The following ASTN1 variants were observed in gnomAD, a reference collection of about 807,000 sequenced individuals.
ASTN1 encodes astrotactin-1.
Under a neutral mutation model 140.7 loss-of-function variants are expected in ASTN1, and 41 were observed. That is an observed-to-expected ratio of 0.29 (90% confidence interval 0.23 to 0.38). The LOEUF is 0.38. Ranked by LOEUF, ASTN1 falls within the 10% of genes least tolerant of loss-of-function variation. ASTN1 has a pLI of 1.00. For missense variants in ASTN1, 1,479 were observed against 1,678.8 expected, an observed-to-expected ratio of 0.88 and a Z score of 2.08; for synonymous variants, 640 against 652.2, an observed-to-expected ratio of 0.98 and a Z score of 0.29.
chr1:177,108,342 C>A (rs1171869577), intron 1 of ASTN1, among the ~76,000 whole-genome samples: 1 of 111,424 alleles, frequency 9.0e-6, no homozygotes, highest in Admixed American at 1.1e-4. Context: ...AGCAAGACTC[C>A]GTCTCAAAAA....
chr1:177,147,088 G>A (rs936408877), intron 1 of ASTN1, among the ~76,000 whole-genome samples: 1 of 152,136 alleles, frequency 6.6e-6, no homozygotes, highest in African/African-American at 2.4e-5. Context: ...TGCTAGTATA[G>A]TTTGGTGTTG....
At chr1:177,053,877 G>A (rs1677664915) in intron 2 of ASTN1, among the ~76,000 whole-genome samples, 1 of 152,182 alleles carries the variant, frequency 6.6e-6, no homozygotes, top group East Asian at 1.9e-4. Flanking sequence ...CAGAGTCTGA[G>A]CTTCTGGGGT....
chr1:176,955,862 G>T (rs1342707924), intron 11 of ASTN1, among the ~76,000 whole-genome samples: 2 of 152,270 alleles, frequency 1.3e-5, no homozygotes, highest in Admixed American at 6.5e-5. Flanking sequence ...TGGCTACAGA[G>T]AGTAGGGAAG....
chr1:177,122,299 C>T (rs142936748), intron 1 of ASTN1, among the ~76,000 whole-genome samples: 28 of 152,266 alleles, frequency 1.8e-4, no homozygotes, highest in African/African-American at 6.7e-4. Context: ...CTTGCCTGTT[C>T]TTCAAGAGGC....
chr1:177,034,256 CA>C (rs1676599066), intron 2 of ASTN1, among the ~76,000 whole-genome samples: 1 of 149,746 alleles, frequency 6.7e-6, no homozygotes, highest in Non-Finnish European at 1.5e-5. Context: ...CACACACACA[CA>C]CACACACACA....
chr1:176,985,956 T>C (rs957508701), intron 8 of ASTN1, among the ~76,000 whole-genome samples: 2 of 150,652 alleles, frequency 1.3e-5, no homozygotes, highest in African/African-American at 2.4e-5. Flanking sequence ...GCATTCAGGC[T>C]GAAACCCTGA....
At chr1:177,064,830 A>T (rs1440727723) in intron 1 of ASTN1, among the ~76,000 whole-genome samples, 1 of 152,244 alleles carries the variant, frequency 6.6e-6, no homozygotes, top group African/African-American at 2.4e-5. Flanking sequence ...CTACAATGCT[A>T]AACCAGGAAT....
chr1:177,083,301 TTCA>T (rs1679269046), intron 1 of ASTN1, among the ~76,000 whole-genome samples: 1 of 152,090 alleles, frequency 6.6e-6, no homozygotes, highest in Non-Finnish European at 1.5e-5. Flanking sequence ...CACACACAAA[TTCA>T]ACACTAGTGA....
intron 21 of ASTN1, among the ~76,000 whole-genome samples, chr1:176,872,471 C>T (rs1021898914): frequency 7.2e-5 from 11 of 152,122 alleles, no homozygotes; most frequent in Non-Finnish European, 1.2e-4. Flanking sequence ...CCTTTCACAG[C>T]CTCTATATTT....
At chr1:177,033,440 A>G (rs1238843593) in intron 2 of ASTN1, among the ~76,000 whole-genome samples, 4 of 152,186 alleles carry the variant, frequency 2.6e-5, no homozygotes, top group African/African-American at 9.7e-5. Flanking sequence ...AACTATGTAA[A>G]GTGCCTAGCA....
At chr1:176,869,732 C>A (rs917068395) in intron 21 of ASTN1, among the ~76,000 whole-genome samples, 1 of 152,180 alleles carries the variant, frequency 6.6e-6, no homozygotes, top group East Asian at 1.9e-4. Flanking sequence ...GGGGCATTAA[C>A]AACCCTGCAC....
In ASTN1 at chr1:176,949,198, G is replaced by A; in HGVS notation, c.2041C>T (p.Leu681Phe). 1 of 1,613,966 alleles carries A rather than the reference G, an allele frequency of 6.2e-7. No individual in the cohort carries two copies. Among genetic ancestry groups the A allele is most frequent in the South Asian group, 1.1e-5 (1 of 91,086 alleles). ...AGCTCAACTCACCCACAGAACATGA[G>A]GATGTTATACAAGGTGGGGTCGTCC... ...FPDDPTLYNI[L>F]MFCGCIEDYK... Residue 681 changes from leucine to phenylalanine, a missense_variant, in exon 12 of 23, where the codon CTC becomes TTC. Physicochemically the swap from Leu to Phe is conservative, Grantham distance 22. Around this residue, in one of 3 missense-constraint regions of ASTN1, gnomAD observed 746 missense variants for 800.9 expected, o/e 0.93. Transcript: ENST00000361833.
intron 8 of ASTN1, among the ~76,000 whole-genome samples, chr1:176,995,492 A>G (rs1044109026): frequency 6.6e-6 from 1 of 152,202 alleles, no homozygotes; most frequent in South Asian, 2.1e-4. Flanking sequence ...AGGAAAAGCC[A>G]TTCTAGGCAC....
chr1:176,943,523 T>C (rs1023640780), intron 14 of ASTN1, among the ~76,000 whole-genome samples: 10 of 152,160 alleles, frequency 6.6e-5, no homozygotes, highest in Non-Finnish European at 1.0e-4. Flanking sequence ...AACCCAACAG[T>C]AGCAATGATG....
At chr1:177,145,671 T>G (rs1682688468) in intron 1 of ASTN1, among the ~76,000 whole-genome samples, 1 of 152,198 alleles carries the variant, frequency 6.6e-6, no homozygotes, top group Non-Finnish European at 1.5e-5. Context: ...ATTCACTCAG[T>G]CAGTCTGTCA....
Position 176,986,717 on chromosome 1 carries a change from C to T in ASTN1, c.1524-21480G>A, listed in dbSNP as rs1342000740. On this transcript the variant is annotated intron_variant, in intron 8 of 22. Transcript: ENST00000361833. ...GAGAAATCTTAAGTAAATCTTCTCT[C>T]TGTGTCTCATTTCCTCCCATGTAGA... Among the ~76,000 whole-genome samples, 5 of 152,148 alleles carry T rather than the reference C, an allele frequency of 3.3e-5. No homozygotes were observed. The East Asian group carries it at 9.6e-4, about 29-fold the overall frequency.
chr1:176,899,214 C>A (rs991937662), intron 16 of ASTN1, among the ~76,000 whole-genome samples: 4 of 152,156 alleles, frequency 2.6e-5, no homozygotes, highest in Admixed American at 1.3e-4. Flanking sequence ...TGAGTTTCCC[C>A]AATAGAATAT....
chr1:177,043,141 G>A (rs1677056816), intron 2 of ASTN1, among the ~76,000 whole-genome samples: 1 of 152,210 alleles, frequency 6.6e-6, no homozygotes, highest in African/African-American at 2.4e-5. Flanking sequence ...TGTCCTCAGA[G>A]TCTGAGAGTA....
intron 6 of ASTN1, 43 bp downstream of exon 6, chr1:177,024,540 C>T (rs915640022): frequency 6.2e-7 from 1 of 1,601,434 alleles, no homozygotes; most frequent in Admixed American, 1.7e-5. Flanking sequence ...GAAAACTTTC[C>T]TTTTTGGGGG....
Sources: allele counts gnomAD v4.1 joint callset (sites outside exome capture counted in the v4.1 genomes callset), GRCh38; gene constraint gnomAD v4.1.1; regional missense constraint gnomAD v4.1.1; transcripts MANE v1.5; gene names NCBI Gene and HGNC (gene_info 2026-07-23, HGNC 2026-07-21).